Variants in RIMKLB observed in about 807,000 individuals in gnomAD.
The protein encoded by RIMKLB is ribosomal modification protein rimK like family member B.
In RIMKLB, 7 loss-of-function variants were observed where a neutral mutation model predicts 32.0. The observed-to-expected ratio is 0.22, with a 90% CI of 0.12 to 0.41. RIMKLB has a LOEUF of 0.41. Ranked by LOEUF, RIMKLB falls within the 10% of genes least tolerant of loss-of-function variation. RIMKLB has a pLI of 1.00. For missense variants in RIMKLB, 289 were observed against 498.7 expected (o/e 0.58, Z 4.00); for synonymous variants, 172 against 185.1 (o/e 0.93, Z 0.57).
intron 5 of RIMKLB, among the ~76,000 whole-genome samples, chr12:8,767,998 GATGGCGGCAGGGCCACTTCCAAT>G (rs973930792): frequency 6.6e-6 from 1 of 152,198 alleles, no homozygotes; most frequent in Non-Finnish European, 1.5e-5. Context: ...GAGTTCCCAA[GATGGCGGCAGGGCCACTTCCAAT>G]ATGGCGGCAG....
chr12:8,730,356 G>T (rs780876821), intron 2 of RIMKLB, among the ~76,000 whole-genome samples: 2 of 152,296 alleles, frequency 1.3e-5, no homozygotes, highest in African/African-American at 4.8e-5. Flanking sequence ...CCAAAGTGCT[G>T]GGATTACAGG....
rs1592043373 is a variant in RIMKLB at position 8,776,672 on chromosome 12, GT to G, written c.*2895del. 4.1e-6 allele frequency: 4 copies of G among 979,038 alleles called. No individual in the cohort carries two copies. The highest frequency in any genetic ancestry group is 4.7e-5 in the South Asian group (1 of 21,166). The allele number at this position is 979,038 out of a possible 1,614,324, so 60.6% of individuals were successfully genotyped here. A position where few individuals can be genotyped will look rare whatever the true frequency, so the allele number is the denominator to read the frequency against. Reference sequence around the variant, plus strand: ...ACTATTCTATTTAAAATTTTTAATAGTTTTTTTCTTTTTTGGTGCCTATAAT... The same window carrying G: ...ACTATTCTATTTAAAATTTTTAATAGTTTTTTCTTTTTTGGTGCCTATAAT... On this transcript the variant is annotated 3_prime_UTR_variant, in exon 6 of 6. Coordinates refer to ENST00000535829, the MANE Select transcript of RIMKLB (RefSeq NM_001297776.2).
chr12:8,731,510 A>G (rs935545499), intron 2 of RIMKLB, among the ~76,000 whole-genome samples: 4 of 151,590 alleles, frequency 2.6e-5, no homozygotes, highest in African/African-American at 4.8e-5. Flanking sequence ...GGAATTTCCT[A>G]TTCCACCACT....
downstream of RIMKLB, chr12:8,780,712 T>TA (rs1950977955): frequency 6.6e-6 from 1 of 152,170 alleles, no homozygotes; most frequent in African/African-American, 2.4e-5. Flanking sequence ...GAAACAGGAC[T>TA]AAGATTCCTG....
intron 2 of RIMKLB, among the ~76,000 whole-genome samples, chr12:8,731,223 A>C (rs757785145): frequency 2.0e-5 from 3 of 151,850 alleles, no homozygotes; most frequent in South Asian, 4.2e-4. Flanking sequence ...CAGCCTCTTG[A>C]GTAGCTGGGA....
At chr12:8,723,879 G>C (rs1189677947) in intron 2 of RIMKLB, among the ~76,000 whole-genome samples, 1 of 139,074 alleles carries the variant, frequency 7.2e-6, no homozygotes, top group African/African-American at 2.7e-5. Context: ...CAGTGGTGCA[G>C]TCCTGGCTCA....
intron 2 of RIMKLB, among the ~76,000 whole-genome samples, chr12:8,728,515 G>A (rs1946239552): frequency 6.6e-6 from 1 of 152,068 alleles, no homozygotes; most frequent in South Asian, 2.1e-4. Context: ...CTGGAGTTTT[G>A]TATTTTTCTC....
upstream of RIMKLB, chr12:8,697,845 C>G (rs868428820): frequency 6.8e-6 from 1 of 146,696 alleles, no homozygotes; most frequent in African/African-American, 2.4e-5. Flanking sequence ...CCGCCGCCCC[C>G]CGCCCGCCGC....
At chr12:8,748,558 G>A (rs201391360) in intron 2 of RIMKLB, among the ~76,000 whole-genome samples, 52 of 56,284 alleles carry the variant, frequency 9.2e-4, no homozygotes, top group African/African-American at 2.6e-3. Context: ...GTGTGTGTGT[G>A]CATATATATA....
intron 2 of RIMKLB, among the ~76,000 whole-genome samples, chr12:8,736,869 T>C (rs1947056105): frequency 6.6e-6 from 1 of 152,204 alleles, no homozygotes; most frequent in Non-Finnish European, 1.5e-5. Context: ...TGGAATGCAA[T>C]GGCACGATCT....
chr12:8,701,668 AG>A (rs1261777562), intron 1 of RIMKLB, among the ~76,000 whole-genome samples: 2 of 147,520 alleles, frequency 1.4e-5, no homozygotes, highest in African/African-American at 5.0e-5. Flanking sequence ...TTTTTTTAAG[AG>A]AACCCGAAAA....
intron 5 of RIMKLB, among the ~76,000 whole-genome samples, chr12:8,766,604 A>C (rs886963775): frequency 6.6e-6 from 1 of 152,042 alleles, no homozygotes; most frequent in African/African-American, 2.4e-5. Context: ...TTATTAGGCA[A>C]TTTTCCTAAC....
At chr12:8,781,518 T>TC (rs1475499045), downstream of RIMKLB, among the ~76,000 whole-genome samples, 1 of 151,964 alleles carries the variant, frequency 6.6e-6, no homozygotes, top group Non-Finnish European at 1.5e-5. Flanking sequence ...TGCCATCAGT[T>TC]CCACCCTGCC....
chr12:8,780,790 A>G (rs1280890132), downstream of RIMKLB: 3 of 152,228 alleles, frequency 2.0e-5, no homozygotes, highest in Non-Finnish European at 2.9e-5. Context: ...GCAATGTTAT[A>G]TAAATTATAT....
At chr12:8,693,524 G>C (rs987213160), upstream of RIMKLB, among the ~76,000 whole-genome samples, 1 of 151,570 alleles carries the variant, frequency 6.6e-6, no homozygotes, top group Non-Finnish European at 1.5e-5. Flanking sequence ...AGCCTCCTGA[G>C]TAGGTGGGAT....
At chr12:8,728,453 T>A (rs1946234971) in intron 2 of RIMKLB, among the ~76,000 whole-genome samples, 1 of 152,174 alleles carries the variant, frequency 6.6e-6, no homozygotes, top group Non-Finnish European at 1.5e-5. Context: ...ATAACTAGTG[T>A]ATCCCAATTA....
At chr12:8,748,976 T>C (rs1948394881) in intron 2 of RIMKLB, among the ~76,000 whole-genome samples, 3 of 152,128 alleles carry the variant, frequency 2.0e-5, no homozygotes, top group Admixed American at 6.6e-5. Context: ...TGTTTGTGTA[T>C]TATTTGGGGT....
In RIMKLB at chr12:8,746,985, T is replaced by C. The variant is rs78446241; in HGVS notation, c.176-2877T>C. On this transcript the variant is annotated intron_variant, in intron 2 of 5. Transcript: ENST00000535829. ...CGAATTCCTAATCTCAAGCAATCCT[T>C]TTCCCTCTGCTTCCCAAAGTGCTGG... Among the ~76,000 whole-genome samples the C allele has an allele frequency of 9.3e-4, 141 of 152,206 alleles. 2 individuals are homozygous for C. In the East Asian group the frequency reaches 0.017, roughly 18 times the overall value.
chr12:8,687,544 C>G (rs1360299284), intron 1 of RIMKLB, among the ~76,000 whole-genome samples: 1 of 152,208 alleles, frequency 6.6e-6, no homozygotes, highest in Non-Finnish European at 1.5e-5. Context: ...CATTTCCTCT[C>G]TCTGCCTCTG....
Sources: gnomAD v4.1 joint callset for allele counts (sites outside exome capture counted in the v4.1 genomes callset) on GRCh38, gnomAD v4.1.1 for gene constraint, MANE v1.5 for transcripts, NCBI Gene and HGNC (gene_info 2026-07-23, HGNC 2026-07-21) for gene names.